Variants in PARVA observed in about 807,000 individuals in gnomAD.
PARVA encodes parvin alpha.
Under a neutral mutation model 52.6 loss-of-function variants are expected in PARVA, and 25 were observed. That is an observed-to-expected ratio of 0.48 (90% CI 0.35 to 0.66). The LOEUF is 0.66. Ranked by LOEUF, PARVA falls within the 30% of genes least tolerant of loss-of-function variation. The pLI is 0.01. For synonymous variants in PARVA, 185 were observed against 179.1 expected, an observed-to-expected ratio of 1.03 and a Z score of -0.26; for missense variants, 373 against 450.9, an observed-to-expected ratio of 0.83 and a Z score of 1.56.
intron 1 of PARVA, among the ~76,000 whole-genome samples, chr11:12,431,540 C>G (rs1451425934): frequency 6.6e-6 from 1 of 152,222 alleles, no homozygotes; most frequent in Non-Finnish European, 1.5e-5. Flanking sequence ...TCAGTCCTGA[C>G]ATGTTCCCAG....
At chr11:12,378,751 T>G (rs1282404822) in intron 1 of PARVA, among the ~76,000 whole-genome samples, 1 of 152,134 alleles carries the variant, frequency 6.6e-6, no homozygotes. Flanking sequence ...TTAAACATTT[T>G]TTAGTTGATG....
chr11:12,410,097 C>T (rs905073046), intron 1 of PARVA, among the ~76,000 whole-genome samples: 16 of 152,174 alleles, frequency 1.1e-4, no homozygotes, highest in African/African-American at 2.9e-4. Context: ...GGTGAAGTGA[C>T]TCCCACTTTT....
intron 8 of PARVA, 165 bp from the exon 9 acceptor site, chr11:12,513,134 G>T: frequency 1.4e-6 from 1 of 734,560 alleles, no homozygotes. Flanking sequence ...CCAAATCTTA[G>T]CCCCAAATCA....
chr11:12,532,675 A>G lies in PARVA; in HGVS notation c.*4750A>G, dbSNP rs1941786574. The stretch of plus-strand genomic sequence containing the variant: ...CTAATGTAGATTTAAGGTCATGAGA[A>G]GTCTCCGGCAAAGTGGCATTTTAAA... On this transcript the variant is annotated 3_prime_UTR_variant, in exon 13 of 13. Transcript: ENST00000334956. 6.6e-6 allele frequency among the ~76,000 whole-genome samples: 1 copy of G among 152,206 alleles called. No homozygotes were observed. Among genetic ancestry groups the G allele is most frequent in the African/African-American group, 2.4e-5 (1 of 41,444 alleles).
chr11:12,379,599 C>T (rs1565321479), intron 1 of PARVA, among the ~76,000 whole-genome samples: 1 of 151,740 alleles, frequency 6.6e-6, no homozygotes, highest in African/African-American at 2.4e-5. Context: ...TAGATTGCTC[C>T]ATGAATTAGA....
chr11:12,504,472 C>T (rs773397373), intron 6 of PARVA, 43 bp downstream of exon 6: 10 of 1,263,080 alleles, frequency 7.9e-6, no homozygotes, highest in Admixed American at 3.5e-5. Flanking sequence ...TTTAAAGAGT[C>T]GTGGAGGTCG....
chr11:12,511,410 C>CATGGGGTGG, intron 7 of PARVA, 104 bp from the exon 8 acceptor site: 2 of 1,248,416 alleles, frequency 1.6e-6, no homozygotes, highest in South Asian at 2.6e-5. Flanking sequence ...TGGCAGGCAG[C>CATGGGGTGG]ATGGGGTGGG....
At chr11:12,511,974 A>G (rs1030594540) in intron 8 of PARVA, among the ~76,000 whole-genome samples, 1 of 152,216 alleles carries the variant, frequency 6.6e-6, no homozygotes, top group Non-Finnish European at 1.5e-5. Context: ...ACAACAATCA[A>G]AAAGAACCAA....
intron 1 of PARVA, among the ~76,000 whole-genome samples, chr11:12,395,079 G>A (rs1400727077): frequency 2.2e-5 from 3 of 134,646 alleles, no homozygotes; most frequent in African/African-American, 2.9e-5. Flanking sequence ...CAACTGGAGC[G>A]AAACTCCATC....
intron 3 of PARVA, 45 bp downstream of exon 3, chr11:12,474,028 C>T (rs2288290): frequency 6.9e-7 from 1 of 1,457,244 alleles, no homozygotes; most frequent in Non-Finnish European, 9.4e-7. Context: ...ACTGACCCAC[C>T]ATGTGTCCAT....
At chr11:12,518,313 C>A in intron 11 of PARVA, 132 bp from the exon 12 acceptor site, 1 of 680,950 alleles carries the variant, frequency 1.5e-6, no homozygotes, top group Non-Finnish European at 2.6e-6. Flanking sequence ...ATTTTGGTAG[C>A]CATATTTCTC....
chr11:12,487,131 G>A (rs1027967916), intron 4 of PARVA, among the ~76,000 whole-genome samples: 7 of 152,154 alleles, frequency 4.6e-5, no homozygotes, highest in Admixed American at 3.9e-4. Context: ...TAGAGATGTA[G>A]GGAGAGTAGC....
At position 12,380,011 on chromosome 11, in the gene PARVA, G is replaced by C. The variant is rs1317532755; in HGVS notation, c.136+2228G>C. 2.6e-5 allele frequency among the ~76,000 whole-genome samples: 4 copies of C among 152,136 alleles called. No homozygotes were observed. The East Asian group carries it at 7.7e-4, about 29-fold the overall frequency. ...TTATCTCTCTGTACCTATCACTGTT[G>C]GTAGAGCCAGAGAATGAGTCTGGGG... On this transcript the variant is annotated intron_variant, in intron 1 of 12. Coordinates refer to ENST00000334956, the MANE Select transcript of PARVA (RefSeq NM_018222.5).
At chr11:12,507,515 G>C (rs113820055) in intron 6 of PARVA, among the ~76,000 whole-genome samples, 2,358 of 152,146 alleles carry the variant, frequency 0.015, 22 homozygotes, top group Non-Finnish European at 0.024. Context: ...GCCCTCCCCT[G>C]GATGGCCTCT....
At chr11:12,413,577 C>G (rs1940022540) in intron 1 of PARVA, among the ~76,000 whole-genome samples, 1 of 149,190 alleles carries the variant, frequency 6.7e-6, no homozygotes, top group South Asian at 2.1e-4. Context: ...TATGATGGAA[C>G]CTGTACACTC....
chr11:12,452,256 C>T (rs1168330437), intron 1 of PARVA, among the ~76,000 whole-genome samples: 1 of 152,104 alleles, frequency 6.6e-6, no homozygotes, highest in Non-Finnish European at 1.5e-5. Flanking sequence ...GACAGTTATT[C>T]AAAAATGAGA....
At chr11:12,473,263 G>C (rs1298779077) in intron 1 of PARVA, among the ~76,000 whole-genome samples, 1 of 152,142 alleles carries the variant, frequency 6.6e-6, no homozygotes, top group Admixed American at 6.5e-5. Flanking sequence ...CCTCAGGGAA[G>C]CCAGGAGAGG....
intron 1 of PARVA, among the ~76,000 whole-genome samples, chr11:12,421,720 G>A (rs1157240246): frequency 6.6e-6 from 1 of 152,152 alleles, no homozygotes; most frequent in Non-Finnish European, 1.5e-5. Context: ...GGCCAAGAAT[G>A]GCCTTAATTC....
intron 1 of PARVA, among the ~76,000 whole-genome samples, chr11:12,450,194 CCAGTAG>C (rs1940604393): frequency 6.6e-6 from 1 of 152,126 alleles, no homozygotes; most frequent in Non-Finnish European, 1.5e-5. Flanking sequence ...AATAGTAGTA[CCAGTAG>C]AATTTTTATT....
Sources: gnomAD v4.1 joint callset for allele counts (sites outside exome capture counted in the v4.1 genomes callset) on GRCh38, gnomAD v4.1.1 for gene constraint, MANE v1.5 for transcripts, NCBI Gene and HGNC (gene_info 2026-07-23, HGNC 2026-07-21) for gene names.